ADAMTS3: variants seen among roughly 807,000 people sequenced by gnomAD.
ADAMTS3 encodes A disintegrin and metalloproteinase with thrombospondin motifs 3.
A neutral mutation model predicts 129.0 loss-of-function variants in ADAMTS3; 73 were observed. The observed-to-expected ratio is 0.57, with a 90% CI of 0.47 to 0.69. The LOEUF is 0.69. ADAMTS3 is among the 30% of genes least tolerant of loss of function. ADAMTS3 has a pLI of 0.00. For synonymous variants in ADAMTS3, 477 were observed against 510.8 expected (o/e 0.93, Z 0.89); for missense variants, 1,457 against 1,514.5 (o/e 0.96, Z 0.63).
At chr4:72,293,229 G>A (rs72862303) in intron 19 of ADAMTS3, among the ~76,000 whole-genome samples, 1 of 152,294 alleles carries the variant, frequency 6.6e-6, no homozygotes, top group Non-Finnish European at 1.5e-5. Flanking sequence ...TTCAGTGTGA[G>A]CTGTGAAAAC....
In ADAMTS3 at chr4:72,563,080, C is replaced by T. The variant is rs141997739; in HGVS notation, c.97+4294G>A. Reference sequence around the variant, plus strand: ...AAGATCATCATTCTGGAAGCAGAGGCGACCTTGAGGGTTTTTTAACATTTC... The same window carrying T: ...AAGATCATCATTCTGGAAGCAGAGGTGACCTTGAGGGTTTTTTAACATTTC... On this transcript the variant is annotated intron_variant, in intron 2 of 21. Transcript: ENST00000286657. Among the ~76,000 whole-genome samples, 378 of 152,196 alleles carry T rather than the reference C, an allele frequency of 2.5e-3. 4 individuals carry two copies. Among genetic ancestry groups the T allele is most frequent in the African/African-American group, 8.0e-3 (334 of 41,532 alleles).
At chr4:72,330,883 A>G (rs1186102753) in intron 5 of ADAMTS3, 1 of 152,236 alleles carries the variant, frequency 6.6e-6, no homozygotes, top group Non-Finnish European at 1.5e-5. Context: ...AAGCCCAGGT[A>G]GAACTGTTTA....
At chr4:72,328,526 C>A (rs1401064547) in intron 5 of ADAMTS3, among the ~76,000 whole-genome samples, 1 of 152,156 alleles carries the variant, frequency 6.6e-6, no homozygotes, top group Admixed American at 6.6e-5. Flanking sequence ...CTGCGTCAGA[C>A]TGCCTGGATT....
rs556367451 is a variant in ADAMTS3 at position 72,383,005 on chromosome 4, A to G, written c.661+31810T>C. On this transcript the variant is annotated intron_variant, in intron 4 of 21. Transcript: ENST00000286657. ...CTATACCCATGTAACAAACCTGCAT[A>G]TGCACCCCCTGAATTTATAATAAAT... Among the ~76,000 whole-genome samples the G allele has an allele frequency of 2.6e-5, 4 of 152,280 alleles. No individual in the cohort carries two copies. In the East Asian group the frequency reaches 5.8e-4, roughly 22 times the overall value.
chr4:72,556,919 T>C (rs1871811), intron 2 of ADAMTS3, among the ~76,000 whole-genome samples: 4,237 of 151,714 alleles, frequency 0.028, 337 homozygotes, highest in African/African-American at 0.099. Context: ...CTCTCCCCTA[T>C]AATCCCACCC....
intron 4 of ADAMTS3, among the ~76,000 whole-genome samples, chr4:72,356,487 C>A (rs185210425): frequency 4.0e-5 from 6 of 151,732 alleles, no homozygotes; most frequent in South Asian, 2.1e-4. Context: ...ATCCCTAAAT[C>A]AATACTCACT....
At chr4:72,563,940 T>G (rs1250269684) in intron 2 of ADAMTS3, among the ~76,000 whole-genome samples, 5 of 152,148 alleles carry the variant, frequency 3.3e-5, no homozygotes, top group Non-Finnish European at 7.4e-5. Flanking sequence ...TGTTTACTGG[T>G]CAATAACTAG....
chr4:72,512,318 C>G (rs1720338147), intron 3 of ADAMTS3, among the ~76,000 whole-genome samples: 1 of 151,910 alleles, frequency 6.6e-6, no homozygotes, highest in African/African-American at 2.4e-5. Flanking sequence ...ATGGTGAAAC[C>G]CTGTCTCTAC....
At chr4:72,562,720 A>T (rs1304094429) in intron 2 of ADAMTS3, among the ~76,000 whole-genome samples, 1 of 152,202 alleles carries the variant, frequency 6.6e-6, no homozygotes, top group East Asian at 1.9e-4. Context: ...TACAGTGGGC[A>T]CTTGTAAGAC....
chr4:72,445,646 T>C (rs1718231265), intron 3 of ADAMTS3, among the ~76,000 whole-genome samples: 1 of 151,736 alleles, frequency 6.6e-6, no homozygotes, highest in Admixed American at 6.6e-5. Context: ...AACAAATGTA[T>C]ATGTACATAG....
chr4:72,548,260 T>C (rs1721516371), intron 3 of ADAMTS3, among the ~76,000 whole-genome samples: 1 of 152,160 alleles, frequency 6.6e-6, no homozygotes, highest in Non-Finnish European at 1.5e-5. Context: ...TTTCTTGGAA[T>C]AATGTCGTCT....
intron 3 of ADAMTS3, among the ~76,000 whole-genome samples, chr4:72,436,749 C>T (rs1327698772): frequency 6.6e-6 from 1 of 151,752 alleles, no homozygotes; most frequent in Admixed American, 6.6e-5. Context: ...AGCAAACTAT[C>T]GCAAGGACAG....
intron 4 of ADAMTS3, among the ~76,000 whole-genome samples, chr4:72,405,507 A>G (rs1722029180): frequency 6.6e-6 from 1 of 152,178 alleles, no homozygotes; most frequent in Admixed American, 6.6e-5. Context: ...TTTTCTTAAT[A>G]CTTAGTTCTC....
intron 2 of ADAMTS3, 92 bp from the exon 3 acceptor site, chr4:72,548,976 C>A: frequency 8.4e-7 from 1 of 1,186,696 alleles, no homozygotes. Flanking sequence ...CTCACAAGAC[C>A]ATACTTCAAT....
chr4:72,533,769 C>G (rs1171381758), intron 3 of ADAMTS3, among the ~76,000 whole-genome samples: 1 of 137,454 alleles, frequency 7.3e-6, no homozygotes, highest in Non-Finnish European at 1.6e-5. Context: ...GCTGTAATAG[C>G]AGTTAGGTCC....
chr4:72,350,452 A>G (rs1380454985), intron 4 of ADAMTS3, among the ~76,000 whole-genome samples: 2 of 151,922 alleles, frequency 1.3e-5, no homozygotes, highest in Admixed American at 6.6e-5. Flanking sequence ...TATGGGTTGC[A>G]TTTTCTGGCT....
intron 3 of ADAMTS3, among the ~76,000 whole-genome samples, chr4:72,525,551 C>T (rs1171669863): frequency 6.6e-6 from 1 of 152,028 alleles, no homozygotes; most frequent in Non-Finnish European, 1.5e-5. Context: ...TTCGCCTCAC[C>T]CTCCAAAGAA....
rs184637089 is a variant in ADAMTS3 at position 72,477,864 on chromosome 4, C to T, written c.505-62893G>A. 7.5e-3 allele frequency among the ~76,000 whole-genome samples: 1,147 copies of T among 152,042 alleles called. 15 individuals carry two copies. Among genetic ancestry groups the T allele is most frequent in the South Asian group, 0.052 (251 of 4,804 alleles). On this transcript the variant is annotated intron_variant, in intron 3 of 21. Coordinates refer to ENST00000286657, the MANE Select transcript of ADAMTS3 (RefSeq NM_014243.3). ...ATAAAAAATGATAAAGGGGATATCA[C>T]CACCGATCCCACCGAAATACAAACT...
intron 3 of ADAMTS3, among the ~76,000 whole-genome samples, chr4:72,515,168 T>A (rs1374360884): frequency 1.3e-5 from 2 of 152,202 alleles, no homozygotes; most frequent in Non-Finnish European, 2.9e-5. Flanking sequence ...CATGAACTGA[T>A]CCTTTTTTAT....
Sources: allele counts gnomAD v4.1 joint callset (sites outside exome capture counted in the v4.1 genomes callset), GRCh38; gene constraint gnomAD v4.1.1; transcripts MANE v1.5; gene names NCBI Gene and HGNC (gene_info 2026-07-23, HGNC 2026-07-21).